Variants in GALNTL6 observed in about 807,000 individuals in gnomAD.
GALNTL6 encodes the protein polypeptide N-acetylgalactosaminyltransferase like 6.
A neutral mutation model predicts 73.7 loss-of-function variants in GALNTL6; 46 were observed. The ratio of observed to expected loss-of-function variants is 0.62; its 90% CI spans 0.49 to 0.80. GALNTL6 has a LOEUF of 0.80. Among genes scored for constraint, GALNTL6 ranks in the 30% least tolerant of loss-of-function variants. The pLI is 0.00. For missense variants in GALNTL6, 604 were observed against 755.0 expected (o/e 0.80, Z 2.34); for synonymous variants, 259 against 263.7 (o/e 0.98, Z 0.17).
chr4:172,518,990 T>C (rs1008823346), intron 5 of GALNTL6, among the ~76,000 whole-genome samples: 1 of 151,746 alleles, frequency 6.6e-6, no homozygotes, highest in African/African-American at 2.4e-5. Flanking sequence ...GAAGAGCACA[T>C]AGTTACGAAA....
intron 7 of GALNTL6, among the ~76,000 whole-genome samples, chr4:172,869,075 T>C (rs1324535147): frequency 6.6e-6 from 1 of 152,186 alleles, no homozygotes; most frequent in Non-Finnish European, 1.5e-5. Context: ...ATAATTGATT[T>C]CTTTGCTGTA....
chr4:172,745,286 T>C (rs1045722165), intron 5 of GALNTL6, among the ~76,000 whole-genome samples: 63 of 152,050 alleles, frequency 4.1e-4, no homozygotes, highest in African/African-American at 1.4e-3. Flanking sequence ...AGTTTTGTTC[T>C]TGCTGCTGTG....
intron 2 of GALNTL6, among the ~76,000 whole-genome samples, chr4:172,067,231 C>A (rs1447036217): frequency 6.6e-6 from 1 of 152,008 alleles, no homozygotes; most frequent in East Asian, 1.9e-4. Flanking sequence ...CTAGTATACA[C>A]AATTACAGGG....
chr4:172,090,843 C>A (rs931902854), intron 2 of GALNTL6, among the ~76,000 whole-genome samples: 1 of 152,096 alleles, frequency 6.6e-6, no homozygotes, highest in African/African-American at 2.4e-5. Flanking sequence ...ATGTTTAAGT[C>A]TTTAATCAAT....
At chr4:172,348,931 T>C (rs1254445418) in intron 5 of GALNTL6, among the ~76,000 whole-genome samples, 1 of 152,200 alleles carries the variant, frequency 6.6e-6, no homozygotes, top group East Asian at 1.9e-4. Context: ...GCAAATTAGG[T>C]GTTGGCAAAA....
At chr4:172,690,304 A>G (rs1733190631) in intron 5 of GALNTL6, among the ~76,000 whole-genome samples, 1 of 152,206 alleles carries the variant, frequency 6.6e-6, no homozygotes, top group African/African-American at 2.4e-5. Flanking sequence ...TATACCTTCC[A>G]GAAAAAAAAT....
At chr4:171,843,212 A>G (rs890566834) in intron 2 of GALNTL6, among the ~76,000 whole-genome samples, 15 of 152,144 alleles carry the variant, frequency 9.9e-5, no homozygotes, top group African/African-American at 3.6e-4. Flanking sequence ...GACACACTTT[A>G]TGATACTACA....
rs527799883 is a variant in GALNTL6, at chr4:172,588,329, C to T, written c.554-221032C>T. On this transcript the variant is annotated intron_variant, in intron 5 of 12. Coordinates refer to ENST00000506823, the MANE Select transcript of GALNTL6 (RefSeq NM_001034845.3). Reference sequence around the variant, plus strand: ...ATCTCCCAGACAAGGCGTAGTGGCTCATGCCTGCAATCCCAGCACTTTGAG... The same window carrying T: ...ATCTCCCAGACAAGGCGTAGTGGCTTATGCCTGCAATCCCAGCACTTTGAG... Among the ~76,000 whole-genome samples, 4 of 152,202 alleles carry T rather than the reference C, an allele frequency of 2.6e-5. No homozygotes were observed. In the South Asian group the frequency reaches 6.2e-4, roughly 24 times the overall value.
chr4:171,985,383 G>A (rs1456572696), intron 2 of GALNTL6, among the ~76,000 whole-genome samples: 3 of 152,122 alleles, frequency 2.0e-5, no homozygotes. Flanking sequence ...GTACACTATG[G>A]GGGAAACCAC....
At position 172,739,356 on chromosome 4, in the gene GALNTL6, A is replaced by T. The variant is rs552338976; in HGVS notation, c.554-70005A>T. Among the ~76,000 whole-genome samples the T allele has an allele frequency of 3.3e-5, 5 of 152,308 alleles. No individual in the cohort carries two copies. The East Asian group carries it at 9.6e-4, about 29-fold the overall frequency. ...GAAACCTCAGGTCCTACTTCTTGTCATAAGGACAGGAAGTTCATGCTCATT... is the reference window on the plus strand; with the variant it reads ...GAAACCTCAGGTCCTACTTCTTGTCTTAAGGACAGGAAGTTCATGCTCATT... On this transcript the variant is annotated intron_variant, in intron 5 of 12. Coordinates refer to ENST00000506823, the MANE Select transcript of GALNTL6 (RefSeq NM_001034845.3).
chr4:172,899,430 T>C (rs961217701), intron 8 of GALNTL6, among the ~76,000 whole-genome samples: 1 of 152,228 alleles, frequency 6.6e-6, no homozygotes, highest in African/African-American at 2.4e-5. Context: ...TAAGACCTTT[T>C]TGTAGATGCA....
At chr4:171,929,242 A>G (rs968207168) in intron 2 of GALNTL6, among the ~76,000 whole-genome samples, 1 of 151,914 alleles carries the variant, frequency 6.6e-6, no homozygotes, top group African/African-American at 2.4e-5. Context: ...AATTTTTTAC[A>G]TTTATTTTTT....
chr4:172,881,534 C>G (rs369249542), intron 7 of GALNTL6, among the ~76,000 whole-genome samples: 18 of 152,098 alleles, frequency 1.2e-4, no homozygotes, highest in African/African-American at 4.3e-4. Context: ...ATATAATACA[C>G]TTAGACAGAT....
At chr4:172,287,111 C>T (rs934029519) in intron 3 of GALNTL6, among the ~76,000 whole-genome samples, 2 of 152,358 alleles carry the variant, frequency 1.3e-5, no homozygotes, top group Middle Eastern at 3.4e-3. Context: ...CATTTACTAT[C>T]ATCCATCCTA....
At chr4:171,887,343 T>C (rs527511768) in intron 2 of GALNTL6, among the ~76,000 whole-genome samples, 14 of 152,126 alleles carry the variant, frequency 9.2e-5, no homozygotes, top group Non-Finnish European at 1.8e-4. Flanking sequence ...AGATTTTAGA[T>C]TGATGCTATA....
intron 2 of GALNTL6, among the ~76,000 whole-genome samples, chr4:171,849,799 C>T (rs905532127): frequency 1.3e-5 from 2 of 152,148 alleles, no homozygotes; most frequent in African/African-American, 4.8e-5. Context: ...CCAGAAAAGG[C>T]ACTTCAAAGG....
At chr4:172,320,749 C>A (rs1056683043) in intron 4 of GALNTL6, among the ~76,000 whole-genome samples, 2 of 152,118 alleles carry the variant, frequency 1.3e-5, no homozygotes, top group African/African-American at 4.8e-5. Context: ...AATCAACCAG[C>A]AATTAGTGGT....
intron 2 of GALNTL6, among the ~76,000 whole-genome samples, chr4:172,131,941 C>G (rs1006888112): frequency 6.6e-6 from 1 of 151,930 alleles, no homozygotes; most frequent in African/African-American, 2.4e-5. Context: ...AGACAGCTCT[C>G]CTGTTTTGTA....
chr4:172,947,148 T>C (rs139334493), intron 9 of GALNTL6, among the ~76,000 whole-genome samples: 29 of 152,186 alleles, frequency 1.9e-4, no homozygotes, highest in African/African-American at 7.0e-4. Flanking sequence ...TGCTGTTTTG[T>C]TATCTAAGTC....
Sources: allele counts gnomAD v4.1 joint callset (sites outside exome capture counted in the v4.1 genomes callset), GRCh38; gene constraint gnomAD v4.1.1; transcripts MANE v1.5; gene names NCBI Gene and HGNC (gene_info 2026-07-23, HGNC 2026-07-21).